BCKDK: variants seen among roughly 807,000 people sequenced by gnomAD.
The protein encoded by BCKDK is branched-chain alpha-ketoacid dehydrogenase kinase.
Under a neutral mutation model 43.9 loss-of-function variants are expected in BCKDK, and 28 were observed. The observed-to-expected ratio is 0.64, with a 90% CI of 0.47 to 0.87. BCKDK has a LOEUF of 0.87. Ranked by LOEUF, BCKDK falls within the 40% of genes least tolerant of loss-of-function variation. The probability of loss-of-function intolerance (pLI) is 0.00; values close to 1 mark genes in which losing one functional copy is unlikely to be tolerated. For missense variants in BCKDK, 483 were observed against 581.4 expected, an observed-to-expected ratio of 0.83 and a Z score of 1.74; for synonymous variants, 257 against 234.3, an observed-to-expected ratio of 1.10 and a Z score of -0.88.
At chr16:31,117,398 A>AAATAAATTAATTAATT (rs377332555), downstream of BCKDK, 2 of 233,588 alleles carry the variant, frequency 8.6e-6, no homozygotes, top group Admixed American at 1.1e-4. Context: ...ATAAATAAAT[A>AAATAAATTAATTAATT]AATTAAAAAA....
Position 31,110,683 on chromosome 16 carries a change from G to A in BCKDK, c.643-5G>A. ...GGGTAGTCCTGACCTCCTTTCTCCG[G>A]CCAGCCTGACTTTGTCGGCATCATC... On this transcript the variant is annotated splice_polypyrimidine_tract_variant and splice_region_variant and intron_variant, in intron 7 of 11. Coordinates refer to ENST00000219794, the MANE Select transcript of BCKDK (RefSeq NM_005881.4). This position sits in a 1 kb window ranked among gnomAD's most constrained non-coding sequence, Gnocchi z 5.4. The A allele has an allele frequency of 6.2e-7, 1 of 1,614,036 alleles. No homozygotes were observed. The highest frequency in any genetic ancestry group is 1.3e-5 in the African/African-American group (1 of 75,020).
At position 31,109,450 on chromosome 16, in the gene BCKDK, G is replaced by T; in HGVS notation, c.195+32G>T. On this transcript the variant is annotated intron_variant, in intron 2 of 11. Coordinates refer to ENST00000219794, the MANE Select transcript of BCKDK (RefSeq NM_005881.4). This position sits in a 1 kb window ranked among gnomAD's most constrained non-coding sequence, Gnocchi z 5.3. ...AAGGGGGCAGCCAGCCCAGGGTCCG[G>T]GATGTAGGCGGGAGGGAGAGTGTTG... 1 of 1,613,374 alleles carries T rather than the reference G, an allele frequency of 6.2e-7. No individual in the cohort carries two copies. Among genetic ancestry groups the T allele is most frequent in the African/African-American group, 1.3e-5 (1 of 75,034 alleles).
rs761995044 is a variant in BCKDK at position 31,112,642 on chromosome 16, T to A, written c.*377T>A. ...CATTCAGGTTCACTGAGCCCTTGGGTTGAACTGGTTCGTGTCCCAGTCTCT... is the reference window on the plus strand; with the variant it reads ...CATTCAGGTTCACTGAGCCCTTGGGATGAACTGGTTCGTGTCCCAGTCTCT... On this transcript the variant is annotated 3_prime_UTR_variant, in exon 12 of 12. Coordinates refer to ENST00000219794, the MANE Select transcript of BCKDK (RefSeq NM_005881.4). The surrounding 1 kb of genome is among the most constrained non-coding windows in gnomAD (Gnocchi z 5.0). The A allele has an allele frequency of 7.9e-6, 3 of 380,278 alleles. No individual in the cohort carries two copies. Among genetic ancestry groups the A allele is most frequent in the Non-Finnish European group, 1.5e-5 (3 of 197,928 alleles). 23.6% of individuals were successfully genotyped at this position (380,278 alleles called of 1,614,324 possible). A position where few individuals can be genotyped will look rare whatever the true frequency, so the allele number is the denominator to read the frequency against.
At chr16:31,111,505 AC>A in intron 10 of BCKDK, 116 bp downstream of exon 10, 1 of 1,151,816 alleles carries the variant, frequency 8.7e-7, no homozygotes, top group Non-Finnish European at 1.3e-6. Context: ...TTGGTCCCTG[AC>A]CAGACAAACT....
rs970410318 is a variant in BCKDK at position 31,108,857 on chromosome 16, A to C, written c.-177-190A>C. Reference sequence around the variant, plus strand: ...CCGACAGCCCTCCCACCGCCAGTAGAGCCTCGGGTTGGGGAATAGAAGCCC... The same window carrying C: ...CCGACAGCCCTCCCACCGCCAGTAGCGCCTCGGGTTGGGGAATAGAAGCCC... On this transcript the variant is annotated intron_variant, in intron 1 of 11. Coordinates refer to ENST00000219794, the MANE Select transcript of BCKDK (RefSeq NM_005881.4). The surrounding 1 kb of genome is among the most constrained non-coding windows in gnomAD (Gnocchi z 6.2). 16 of 169,312 alleles carry C rather than the reference A, an allele frequency of 9.5e-5. No individual in the cohort carries two copies. Among genetic ancestry groups the C allele is most frequent in the African/African-American group, 3.1e-4 (13 of 42,034 alleles). The allele number at this position is 169,312 out of a possible 1,614,324, so 10.5% of individuals were successfully genotyped here. A position where few individuals can be genotyped will look rare whatever the true frequency, so the allele number is the denominator to read the frequency against.
chr16:31,116,916 CA>C (rs1167389057), downstream of BCKDK, among the ~76,000 whole-genome samples: 38 of 89,846 alleles, frequency 4.2e-4, no homozygotes, highest in African/African-American at 1.0e-3. Flanking sequence ...GACTCCATCT[CA>C]AAAAAAAAAA....
At chr16:31,116,631 C>A (rs954429586), downstream of BCKDK, among the ~76,000 whole-genome samples, 4 of 151,672 alleles carry the variant, frequency 2.6e-5, no homozygotes, top group Admixed American at 2.0e-4. Flanking sequence ...AAAAATGGGG[C>A]ACTGGCTGGG....
rs1314768565 is a variant in BCKDK at position 31,109,290 on chromosome 16, C to T, written c.67C>T (p.Pro23Ser). The change falls in exon 2 of 12, where the codon CCC (proline) becomes TCC (serine). Residue 23 changes from proline to serine, a missense_variant. Pro to Ser is a moderately conservative substitution (Grantham distance 74). Transcript: ENST00000219794. This position sits in a 1 kb window ranked among gnomAD's most constrained non-coding sequence, Gnocchi z 5.3. ...GCTTCCGCTCCGGCCCCTCCTGGGACCCGCACTCGCGCTCCGGGCCCGCTC... is the reference window on the plus strand; with the variant it reads ...GCTTCCGCTCCGGCCCCTCCTGGGATCCGCACTCGCGCTCCGGGCCCGCTC... The part of the protein sequence containing the change: ...GGLPLRPLLG[P>S]ALALRARSTS... The T allele has an allele frequency of 2.5e-6, 4 of 1,602,852 alleles. No homozygotes were observed. Among genetic ancestry groups the T allele is most frequent in the Admixed American group, 1.7e-5 (1 of 59,086 alleles).
chr16:31,113,617 T>C (rs1028684640), downstream of BCKDK, among the ~76,000 whole-genome samples: 10 of 152,158 alleles, frequency 6.6e-5, no homozygotes, highest in Admixed American at 5.2e-4. Context: ...GCTTGGACCA[T>C]CATGCCAGGC....
At chr16:31,116,226 T>G (rs2057444971), downstream of BCKDK, among the ~76,000 whole-genome samples, 1 of 150,110 alleles carries the variant, frequency 6.7e-6, no homozygotes, top group Non-Finnish European at 1.5e-5. Context: ...TTTTTATTTT[T>G]TTTGAGATGG....
In BCKDK at chr16:31,110,073, G is replaced by A. The variant is rs932889417; in HGVS notation, c.376-4G>A. ...TTGTGAATTCCCACACCTCTTCCTT[G>A]CAGCATGAGCTATATATCCGTGCCT... On this transcript the variant is annotated splice_polypyrimidine_tract_variant and splice_region_variant and intron_variant, in intron 4 of 11. Coordinates refer to ENST00000219794, the MANE Select transcript of BCKDK (RefSeq NM_005881.4). The surrounding 1 kb of genome is among the most constrained non-coding windows in gnomAD (Gnocchi z 5.4). 1.2e-6 allele frequency: 2 copies of A among 1,614,066 alleles called. No individual in the cohort carries two copies. The highest frequency in any genetic ancestry group is 3.3e-5 in the Admixed American group (2 of 59,998).
Position 31,108,440 on chromosome 16 carries a change from G to T in BCKDK, c.-217G>T, listed in dbSNP as rs1350437050. The T allele has an allele frequency of 1.3e-5, 2 of 152,250 alleles. No individual in the cohort carries two copies. Among genetic ancestry groups the T allele is most frequent in the South Asian group, 2.1e-4 (1 of 4,832 alleles). The allele number at this position is 152,250 out of a possible 1,614,324, so 9.4% of individuals were successfully genotyped here. Reference sequence around the variant, plus strand: ...GGCGCCTGGCGAGTGGACTGTTCGAGCCCTTCCGCTGGGACCCGGGCCCTG... The same window carrying T: ...GGCGCCTGGCGAGTGGACTGTTCGATCCCTTCCGCTGGGACCCGGGCCCTG... On this transcript the variant is annotated 5_prime_UTR_variant, in exon 1 of 12. Transcript: ENST00000219794. The surrounding 1 kb of genome is among the most constrained non-coding windows in gnomAD (Gnocchi z 6.2).
chr16:31,109,980 G>T lies in BCKDK; in HGVS notation c.376-97G>T. 2 of 1,550,816 alleles carry T rather than the reference G, an allele frequency of 1.3e-6. No homozygotes were observed. Among genetic ancestry groups the T allele is most frequent in the South Asian group, 2.2e-5 (2 of 89,568 alleles). Reference sequence around the variant, plus strand: ...GAAGTGGGGGTTTGATCACGTGGTCGACCAGCTGGGTGGTGATCCCCATGG... The same window carrying T: ...GAAGTGGGGGTTTGATCACGTGGTCTACCAGCTGGGTGGTGATCCCCATGG... On this transcript the variant is annotated intron_variant, in intron 4 of 11. Coordinates refer to ENST00000219794, the MANE Select transcript of BCKDK (RefSeq NM_005881.4). This position sits in a 1 kb window ranked among gnomAD's most constrained non-coding sequence, Gnocchi z 5.3.
chr16:31,110,179 C>A lies in BCKDK; in HGVS notation c.424-26C>A. On this transcript the variant is annotated intron_variant, in intron 5 of 11. Transcript: ENST00000219794. This position sits in a 1 kb window ranked among gnomAD's most constrained non-coding sequence, Gnocchi z 5.4. ...GCTGAGAGGTTGGGCTTGGACCACC[C>A]TTCCTCATGACTCTGTGACCTGCAG... 1 of 1,614,146 alleles carries A rather than the reference C, an allele frequency of 6.2e-7. No homozygotes were observed. The highest frequency in any genetic ancestry group is 8.5e-7 in the Non-Finnish European group (1 of 1,180,022).
chr16:31,113,133 A>G (rs1363569272), downstream of BCKDK, among the ~76,000 whole-genome samples: 1 of 152,224 alleles, frequency 6.6e-6, no homozygotes, highest in East Asian at 1.9e-4. Context: ...TCCAGATGAC[A>G]TCTTAGGTAG....
downstream of BCKDK, among the ~76,000 whole-genome samples, chr16:31,116,060 C>G (rs1212691582): frequency 1.4e-5 from 2 of 138,790 alleles, no homozygotes; most frequent in South Asian, 4.6e-4. Flanking sequence ...TACAGGGGCC[C>G]GCCACCACGC....
At position 31,109,631 on chromosome 16, in the gene BCKDK, A is replaced by G. The variant is rs1218488248; in HGVS notation, c.265-42A>G. 6.2e-7 allele frequency: 1 copy of G among 1,613,390 alleles called. No individual in the cohort carries two copies. Among genetic ancestry groups the G allele is most frequent in the Non-Finnish European group, 8.5e-7 (1 of 1,179,582 alleles). The stretch of plus-strand genomic sequence containing the variant: ...CGTGGATCCTGGAGCTCTCCCAGAC[A>G]CTCAGGCTCCAGCCCCGCCTTCCCT... On this transcript the variant is annotated intron_variant, in intron 3 of 11. Transcript: ENST00000219794. The surrounding 1 kb of genome is among the most constrained non-coding windows in gnomAD (Gnocchi z 5.3).
intron 9 of BCKDK, 39 bp from the exon 10 acceptor site, chr16:31,111,261 C>A (rs537329766): frequency 1.9e-6 from 3 of 1,613,986 alleles, no homozygotes; most frequent in Admixed American, 3.3e-5. Flanking sequence ...GGACAGGAAC[C>A]GGGGTGCTTG....
Position 31,110,370 on chromosome 16 carries a change from G to GCA in BCKDK, c.544-29_544-28dup, listed in dbSNP as rs746468438. ...GCCGGGCCTGCTGGGGGTGGGAAGG[G>GCA]CACGGGATTCTGAGACCTCACTCTT... On this transcript the variant is annotated intron_variant, in intron 6 of 11. Coordinates refer to ENST00000219794, the MANE Select transcript of BCKDK (RefSeq NM_005881.4). The surrounding 1 kb of genome is among the most constrained non-coding windows in gnomAD (Gnocchi z 5.4). 6 of 1,614,078 alleles carry GCA rather than the reference G, an allele frequency of 3.7e-6. No homozygotes were observed. The Admixed American group carries it at 6.7e-5, about 18-fold the overall frequency.
Sources: gnomAD v4.1 joint callset for allele counts (sites outside exome capture counted in the v4.1 genomes callset) on GRCh38, gnomAD v4.1.1 for gene constraint, Gnocchi (gnomAD v3.1) non-coding constraint, MANE v1.5 for transcripts, NCBI Gene and HGNC (gene_info 2026-07-23, HGNC 2026-07-21) for gene names.